The following ASCC1 variants were observed in gnomAD, a reference collection of about 807,000 sequenced individuals.
The protein encoded by ASCC1 is activating signal cointegrator 1 complex subunit 1.
In ASCC1, 35 loss-of-function variants were observed where a neutral mutation model predicts 46.6. The ratio of observed to expected loss-of-function variants is 0.75; its 90% CI spans 0.57 to 0.99. The LOEUF (loss-of-function observed/expected upper bound fraction) is 0.99. Among genes scored for constraint, ASCC1 ranks in the 50% least tolerant of loss-of-function variants. The probability of loss-of-function intolerance (pLI) is 0.00; values close to 1 mark genes in which losing one functional copy is unlikely to be tolerated. For missense variants in ASCC1, 376 were observed against 428.7 expected (o/e 0.88, Z 1.09); for synonymous variants, 143 against 146.6 (o/e 0.98, Z 0.18).
chr10:72,113,624 C>T (rs1248924396), intron 9 of ASCC1, among the ~76,000 whole-genome samples: 1 of 152,186 alleles, frequency 6.6e-6, no homozygotes, highest in Admixed American at 6.5e-5. Flanking sequence ...ATCTTCCTTT[C>T]CCTCACCCCC....
chr10:72,203,282 G>A lies in ASCC1; in HGVS notation c.310+145C>T, dbSNP rs1452998049. The A allele has an allele frequency of 5.4e-5, 36 of 668,994 alleles. No individual in the cohort carries two copies. The Middle Eastern group carries it at 1.1e-3, about 21-fold the overall frequency. 41.4% of individuals were successfully genotyped at this position (668,994 alleles called of 1,614,324 possible). ...GCCTGGGTAACAAGGGCAAAACTCC[G>A]TCTCAAAAAAAAAAAAAAAGAAAAG... On this transcript the variant is annotated intron_variant, in intron 4 of 9. Coordinates refer to ENST00000672957, the MANE Select transcript of ASCC1 (RefSeq NM_001198800.3).
intron 7 of ASCC1, among the ~76,000 whole-genome samples, chr10:72,141,156 A>C (rs1428502286): frequency 6.6e-6 from 1 of 152,170 alleles, no homozygotes; most frequent in African/African-American, 2.4e-5. Context: ...TAAAAGAAAA[A>C]AATTACTTGT....
At position 72,097,201 on chromosome 10, in the gene ASCC1, G is replaced by A. The variant is rs1841186402; in HGVS notation, c.*133C>T. 3 of 757,258 alleles carry A rather than the reference G, an allele frequency of 4.0e-6. No individual in the cohort carries two copies. The highest frequency in any genetic ancestry group is 4.9e-6 in the Non-Finnish European group (2 of 410,288). The allele number at this position is 757,258 out of a possible 1,614,324, so 46.9% of individuals were successfully genotyped here. On this transcript the variant is annotated 3_prime_UTR_variant, in exon 10 of 10. Transcript: ENST00000672957. ...GGTGTAGACACCATTAGAGGCAATG[G>A]TGAATCTATGGGGAACCACCCAGGA... is the stretch of plus-strand genomic sequence containing the variant.
intron 2 of ASCC1, 68 bp downstream of exon 2, chr10:72,213,119 C>CA: frequency 1.7e-6 from 2 of 1,151,226 alleles, no homozygotes; most frequent in South Asian, 2.5e-5. Context: ...TTAAAACAAA[C>CA]AAAAAATTGA....
At chr10:72,177,954 C>T (rs1454297831) in intron 5 of ASCC1, among the ~76,000 whole-genome samples, 1 of 152,148 alleles carries the variant, frequency 6.6e-6, no homozygotes, top group Non-Finnish European at 1.5e-5. Flanking sequence ...TGTCTGCAGT[C>T]AAACAATATT....
At chr10:72,118,569 CAGG>C (rs1002896803) in intron 9 of ASCC1, among the ~76,000 whole-genome samples, 6 of 151,902 alleles carry the variant, frequency 3.9e-5, no homozygotes, top group African/African-American at 1.5e-4. Flanking sequence ...TACCTGAGGT[CAGG>C]AGTTCGAGAC....
intron 7 of ASCC1, among the ~76,000 whole-genome samples, chr10:72,150,670 G>A (rs559315239): frequency 6.6e-6 from 1 of 152,326 alleles, no homozygotes; most frequent in African/African-American, 2.4e-5. Flanking sequence ...GCAACCTACA[G>A]AATGGGAGAA....
chr10:72,158,052 A>T (rs538815340), intron 6 of ASCC1, among the ~76,000 whole-genome samples: 14 of 152,340 alleles, frequency 9.2e-5, no homozygotes, highest in African/African-American at 3.1e-4. Context: ...GGTACTAAGA[A>T]GAAAAAAAAT....
chr10:72,105,106 T>C (rs116617313), intron 9 of ASCC1, among the ~76,000 whole-genome samples: 2,016 of 152,258 alleles, frequency 0.013, 71 homozygotes, highest in African/African-American at 0.046. Context: ...CTCATTCTTC[T>C]TGGATGCCAG....
rs1437664489 is a variant in ASCC1 at position 72,159,736 on chromosome 10, T to C, written c.626+1802A>G. On this transcript the variant is annotated intron_variant, in intron 6 of 9. Transcript: ENST00000672957. ...TAGAGAAAACAGATATGTCCGTTAC[T>C]GAGCAAAGAACATGACAAGAAGTGT... Among the ~76,000 whole-genome samples, 3 of 152,180 alleles carry C rather than the reference T, an allele frequency of 2.0e-5. No homozygotes were observed. In the East Asian group the frequency reaches 5.8e-4, roughly 29 times the overall value.
intron 5 of ASCC1, among the ~76,000 whole-genome samples, chr10:72,179,579 C>T (rs1309509515): frequency 2.0e-5 from 3 of 152,206 alleles, no homozygotes; most frequent in African/African-American, 7.2e-5. Flanking sequence ...CACTGCTCTA[C>T]TTAACACTGT....
chr10:72,210,891 C>A, intron 2 of ASCC1, 60 bp from the exon 3 acceptor site: 1 of 1,530,978 alleles, frequency 6.5e-7, no homozygotes, highest in Non-Finnish European at 9.0e-7. Flanking sequence ...CAACAGCTTT[C>A]GCCTCAGCTG....
intron 5 of ASCC1, chr10:72,189,802 C>CAAAAAAAAAAA (rs996153326): frequency 1.8e-5 from 3 of 167,934 alleles, no homozygotes; most frequent in African/African-American, 5.4e-5. Flanking sequence ...AACTCCATCT[C>CAAAAAAAAAAA]AAAAAAAAAA....
intron 7 of ASCC1, among the ~76,000 whole-genome samples, chr10:72,139,845 C>A (rs1846751343): frequency 6.6e-6 from 1 of 152,092 alleles, no homozygotes; most frequent in African/African-American, 2.4e-5. Context: ...CTAGTGATTA[C>A]AAGAATAAAA....
At chr10:72,113,589 T>C (rs756913307) in intron 9 of ASCC1, among the ~76,000 whole-genome samples, 7 of 152,180 alleles carry the variant, frequency 4.6e-5, no homozygotes, top group East Asian at 1.9e-4. Context: ...AGGAAAAAAT[T>C]TGGTGAAACA....
At chr10:72,190,854 G>A (rs1854331011) in intron 5 of ASCC1, among the ~76,000 whole-genome samples, 1 of 151,182 alleles carries the variant, frequency 6.6e-6, no homozygotes, top group African/African-American at 2.4e-5. Flanking sequence ...AAATTCGCTG[G>A]GCGTGGTGGC....
chr10:72,121,365 G>A (rs998278634), intron 9 of ASCC1, among the ~76,000 whole-genome samples: 2 of 151,664 alleles, frequency 1.3e-5, no homozygotes, highest in Non-Finnish European at 2.9e-5. Context: ...TGCTGGTCTT[G>A]AACTCCTGGC....
At chr10:72,113,335 C>T (rs1270885217) in intron 9 of ASCC1, among the ~76,000 whole-genome samples, 1 of 152,140 alleles carries the variant, frequency 6.6e-6, no homozygotes, top group Admixed American at 6.5e-5. Context: ...AGTCCCACTG[C>T]AAAGAGGAAT....
At chr10:72,164,160 C>T (rs538472754) in intron 5 of ASCC1, among the ~76,000 whole-genome samples, 1 of 152,132 alleles carries the variant, frequency 6.6e-6, no homozygotes, top group South Asian at 2.1e-4. Flanking sequence ...AGGGTTTTTA[C>T]CATGTTGGAC....
Sources: gnomAD v4.1 joint callset for allele counts (sites outside exome capture counted in the v4.1 genomes callset) on GRCh38, gnomAD v4.1.1 for gene constraint, MANE v1.5 for transcripts, NCBI Gene and HGNC (gene_info 2026-07-23, HGNC 2026-07-21) for gene names.